The following DECR1 variants were observed in gnomAD, a reference collection of about 807,000 sequenced individuals.
The protein encoded by DECR1 is 2,4-dienoyl-CoA reductase 1, also known as 2,4-dienoyl-CoA reductase [(3E)-enoyl-CoA-producing], mitochondrial.
In DECR1, 44 loss-of-function variants were observed where a neutral mutation model predicts 38.8. The ratio of observed to expected loss-of-function variants is 1.13; its 90% CI spans 0.89 to 1.46. DECR1 has a LOEUF of 1.46. Ranked by LOEUF, DECR1 falls within the 40% of genes most tolerant of loss-of-function variation. The pLI, the probability that DECR1 is intolerant of heterozygous loss-of-function variation, is 0.00. For missense variants in DECR1, 428 were observed against 405.5 expected (o/e 1.06, Z -0.48); for synonymous variants, 148 against 135.2 (o/e 1.09, Z -0.66).
At chr8:90,003,542 A>G (rs561765628) in intron 1 of DECR1, among the ~76,000 whole-genome samples, 1 of 152,354 alleles carries the variant, frequency 6.6e-6, no homozygotes, top group Non-Finnish European at 1.5e-5. Context: ...ACACTAATTA[A>G]TTAAGTACCT....
chr8:90,021,189 A>ATAAT, intron 5 of DECR1, 133 bp downstream of exon 5: 4 of 579,294 alleles, frequency 6.9e-6, no homozygotes, highest in African/African-American at 1.9e-5. Context: ...GAGAAAAATG[A>ATAAT]TATTTAAATA....
At chr8:90,025,689 T>G (rs964976697) in intron 5 of DECR1, among the ~76,000 whole-genome samples, 3 of 152,196 alleles carry the variant, frequency 2.0e-5, no homozygotes, top group Non-Finnish European at 2.9e-5. Flanking sequence ...TGACTTCTTC[T>G]TTTCCTAATT....
chr8:90,011,124 A>G (rs1812872744), intron 1 of DECR1, among the ~76,000 whole-genome samples: 1 of 152,242 alleles, frequency 6.6e-6, no homozygotes, highest in African/African-American at 2.4e-5. Context: ...TTAAAAAACC[A>G]CATGAAGGGG....
At chr8:90,002,153 G>A (rs1015735631) in intron 1 of DECR1, among the ~76,000 whole-genome samples, 2 of 152,178 alleles carry the variant, frequency 1.3e-5, no homozygotes, top group African/African-American at 4.8e-5. Flanking sequence ...GGTAGAAAGA[G>A]GTAGGGAAGG....
intron 1 of DECR1, chr8:90,005,266 A>C (rs946569312): frequency 6.7e-6 from 3 of 449,250 alleles, no homozygotes; most frequent in African/African-American, 2.0e-5. Context: ...ATTTATGTAG[A>C]AAATTGAGCA....
intron 1 of DECR1, among the ~76,000 whole-genome samples, chr8:90,010,629 A>G (rs1368565260): frequency 1.3e-5 from 2 of 152,226 alleles, no homozygotes; most frequent in African/African-American, 4.8e-5. Context: ...ATAGTTTAAT[A>G]TGGCAGTTAG....
intron 1 of DECR1, among the ~76,000 whole-genome samples, chr8:90,014,383 A>T (rs889073674): frequency 1.3e-5 from 2 of 152,236 alleles, no homozygotes; most frequent in Non-Finnish European, 2.9e-5. Flanking sequence ...TTTTAGGCAG[A>T]GAAGATGGCT....
chr8:90,042,021 C>G (rs1261124205), intron 6 of DECR1, among the ~76,000 whole-genome samples: 9 of 152,042 alleles, frequency 5.9e-5, no homozygotes, highest in Admixed American at 1.3e-4. Context: ...AAAGAGCTAC[C>G]TGTAAAGTAA....
chr8:90,051,919 G>C lies in DECR1; in HGVS notation c.*22G>C, dbSNP rs1401805412. 2 of 1,606,728 alleles carry C rather than the reference G, an allele frequency of 1.2e-6. No homozygotes were observed. Among genetic ancestry groups the C allele is most frequent in the South Asian group, 2.2e-5 (2 of 90,660 alleles). On this transcript the variant is annotated 3_prime_UTR_variant, in exon 10 of 10. Transcript: ENST00000220764. ...CTAAGACCACTTTGGCCTTCATCTTGGTTACAGAAAAGGGAATAGAAATGA... is the reference window on the plus strand; with the variant it reads ...CTAAGACCACTTTGGCCTTCATCTTCGTTACAGAAAAGGGAATAGAAATGA...
At chr8:90,013,406 T>G (rs1014173631) in intron 1 of DECR1, among the ~76,000 whole-genome samples, 2 of 139,712 alleles carry the variant, frequency 1.4e-5, no homozygotes, top group African/African-American at 3.0e-5. Flanking sequence ...TTCGTTTTTT[T>G]TTTTTTTTTT....
In DECR1 at chr8:90,018,937, G is replaced by A. The variant is rs746896193; in HGVS notation, c.301G>A (p.Glu101Lys). ...GATGGATGTTTTGAAAGCTACCGCA[G>A]AACAAATTTCTTCTCAAACTGGAAA... ...RKMDVLKATA[E>K]QISSQTGNKV... The change falls in exon 3 of 10, where the codon GAA (glutamate) becomes AAA (lysine). Residue 101 changes from glutamate (E) to lysine (K), a missense_variant. Transcript: ENST00000220764. The A allele has an allele frequency of 2.5e-6, 4 of 1,595,470 alleles. No homozygotes were observed. Among genetic ancestry groups the A allele is most frequent in the Non-Finnish European group, 3.4e-6 (4 of 1,166,730 alleles).
At chr8:90,010,606 G>A (rs557812050) in intron 1 of DECR1, among the ~76,000 whole-genome samples, 1 of 152,306 alleles carries the variant, frequency 6.6e-6, no homozygotes, top group South Asian at 2.1e-4. Context: ...GTTGTCCAGT[G>A]TTTACCACGC....
intron 1 of DECR1, 25 bp downstream of exon 1, chr8:90,001,586 G>A (rs1406052721): frequency 6.2e-7 from 1 of 1,605,948 alleles, no homozygotes; most frequent in African/African-American, 1.3e-5. Flanking sequence ...GGCGCGGGGA[G>A]CGAGGACAGG....
chr8:90,036,906 G>T lies in DECR1; in HGVS notation c.631G>T (p.Ala211Ser), dbSNP rs1490610418. The change falls in exon 6 of 10, where the codon GCT becomes TCT. Residue 211 changes from alanine (A) to serine (S), a missense_variant. Physicochemically the swap from Ala to Ser is moderately conservative, Grantham distance 99. Transcript: ENST00000220764. ...TGGTTCAGGTTTTGTAGTACCAAGT[G>T]CTTCTGCCAAAGCAGGTGTGGAAGC... Reference protein sequence around the residue: ...ETGSGFVVPSASAKAGVEAMS... With the variant: ...ETGSGFVVPSSSAKAGVEAMS... 1.2e-6 allele frequency: 2 copies of T among 1,613,208 alleles called. No individual in the cohort carries two copies. Among genetic ancestry groups the T allele is most frequent in the Admixed American group, 1.7e-5 (1 of 59,870 alleles).
Position 90,011,617 on chromosome 8 carries a change from T to G in DECR1, c.70-5507T>G, listed in dbSNP as rs139924135. On this transcript the variant is annotated intron_variant, in intron 1 of 9. Transcript: ENST00000220764. ...CTTTTTGTTTACTTAGGTCTTTAATTTCTTAATGATGTTTCATAGTTTTCA... is the reference window on the plus strand; with the variant it reads ...CTTTTTGTTTACTTAGGTCTTTAATGTCTTAATGATGTTTCATAGTTTTCA... 2.4e-3 allele frequency among the ~76,000 whole-genome samples: 368 copies of G among 152,308 alleles called. 2 individuals are homozygous for G. Among genetic ancestry groups the G allele is most frequent in the African/African-American group, 7.7e-3 (320 of 41,576 alleles).
chr8:90,030,168 A>G (rs1309608072), intron 5 of DECR1, among the ~76,000 whole-genome samples: 1 of 152,152 alleles, frequency 6.6e-6, no homozygotes, highest in Non-Finnish European at 1.5e-5. Context: ...ATGATAACCT[A>G]ATGTCACCGC....
rs551772965 is a variant in DECR1 at position 90,003,765 on chromosome 8, C to A, written c.69+2204C>A. 1.6e-3 allele frequency among the ~76,000 whole-genome samples: 246 copies of A among 152,170 alleles called. 1 individual carries two copies. The highest frequency in any genetic ancestry group is 5.8e-3 in the African/African-American group (240 of 41,504). ...GACTATCCTGGCCAACATGGTGAAA[C>A]CCTGTCTCTAGTAAAAATACAAAAA... is the stretch of plus-strand genomic sequence containing the variant. On this transcript the variant is annotated intron_variant, in intron 1 of 9. Coordinates refer to ENST00000220764, the MANE Select transcript of DECR1 (RefSeq NM_001359.2).
At chr8:90,005,234 C>G (rs1355336843) in intron 1 of DECR1, 1 of 426,048 alleles carries the variant, frequency 2.3e-6, no homozygotes, top group African/African-American at 2.1e-5. Context: ...TGCTGGGGGA[C>G]AGGGTATGGT....
At position 90,015,641 on chromosome 8, in the gene DECR1, C is replaced by A. The variant is rs16902376; in HGVS notation, c.70-1483C>A. ...AACCAACTGATGACAGCCTATTTAGCTACAGGAATACTCTGGAAGGAAATG... is the reference window on the plus strand; with the variant it reads ...AACCAACTGATGACAGCCTATTTAGATACAGGAATACTCTGGAAGGAAATG... On this transcript the variant is annotated intron_variant, in intron 1 of 9. Coordinates refer to ENST00000220764, the MANE Select transcript of DECR1 (RefSeq NM_001359.2). 8.8e-3 allele frequency: 4,000 copies of A among 456,508 alleles called. 117 individuals carry two copies. The highest frequency in any genetic ancestry group is 0.07 in the African/African-American group (3,494 of 50,116). 28.3% of individuals were successfully genotyped at this position (456,508 alleles called of 1,614,324 possible).
Sources: allele counts gnomAD v4.1 joint callset (sites outside exome capture counted in the v4.1 genomes callset), GRCh38; gene constraint gnomAD v4.1.1; transcripts MANE v1.5; gene names NCBI Gene and HGNC (gene_info 2026-07-23, HGNC 2026-07-21).